Variants in LRRTM4 observed in about 807,000 individuals in gnomAD.
The protein encoded by LRRTM4 is leucine rich repeat transmembrane neuronal 4.
Under a neutral mutation model 47.6 loss-of-function variants are expected in LRRTM4, and 25 were observed. The observed-to-expected ratio is 0.53, with a 90% CI of 0.38 to 0.73. LRRTM4 has a LOEUF of 0.73. Among genes scored for constraint, LRRTM4 ranks in the 30% least tolerant of loss-of-function variants. The probability of loss-of-function intolerance (pLI) is 0.00; values close to 1 mark genes in which losing one functional copy is unlikely to be tolerated. For missense variants in LRRTM4, 638 were observed against 713.4 expected (o/e 0.89, Z 1.20); for synonymous variants, 311 against 269.5 (o/e 1.15, Z -1.51).
intron 3 of LRRTM4, chr2:76,987,579 G>C (rs1231588932): frequency 6.6e-6 from 1 of 151,770 alleles, no homozygotes; most frequent in Admixed American, 6.6e-5. Flanking sequence ...AAGTAATGAT[G>C]TGGTAACAAT....
chr2:77,072,373 T>C (rs1359733971), intron 3 of LRRTM4, among the ~76,000 whole-genome samples: 1 of 152,212 alleles, frequency 6.6e-6, no homozygotes, highest in Non-Finnish European at 1.5e-5. Flanking sequence ...TCATTGCAAT[T>C]GAAACATTAT....
At chr2:76,860,860 G>C (rs1021510738) in intron 3 of LRRTM4, among the ~76,000 whole-genome samples, 6 of 151,756 alleles carry the variant, frequency 4.0e-5, no homozygotes. Context: ...TCCACATCAA[G>C]TAAAAGATTT....
At chr2:77,379,295 G>A (rs1291840445) in intron 3 of LRRTM4, among the ~76,000 whole-genome samples, 9 of 151,842 alleles carry the variant, frequency 5.9e-5, no homozygotes, top group African/African-American at 1.2e-4. Flanking sequence ...TTTTTCCCCC[G>A]CTATCTTTTC....
chr2:77,241,203 AATACACACACAC>A (rs1441705767), intron 3 of LRRTM4, among the ~76,000 whole-genome samples: 3 of 119,074 alleles, frequency 2.5e-5, no homozygotes, highest in African/African-American at 9.9e-5. Flanking sequence ...TGGAATTGGA[AATACACACACAC>A]ACACACACAC....
At chr2:77,156,530 A>T (rs1017483403) in intron 3 of LRRTM4, among the ~76,000 whole-genome samples, 1 of 152,060 alleles carries the variant, frequency 6.6e-6, no homozygotes, top group African/African-American at 2.4e-5. Flanking sequence ...TAAAGAAATA[A>T]TAATAAATGA....
At chr2:77,389,665 T>A (rs1223272082) in intron 3 of LRRTM4, among the ~76,000 whole-genome samples, 1 of 152,098 alleles carries the variant, frequency 6.6e-6, no homozygotes, top group Non-Finnish European at 1.5e-5. Flanking sequence ...AATTATCTAC[T>A]ATCAAGAAGA....
intron 3 of LRRTM4, among the ~76,000 whole-genome samples, chr2:77,164,294 C>A (rs1407749700): frequency 2.6e-5 from 4 of 152,120 alleles, no homozygotes; most frequent in Non-Finnish European, 5.9e-5. Context: ...AATACAGGAG[C>A]ACCCAGATTC....
At chr2:77,431,986 A>G (rs965422408) in intron 3 of LRRTM4, among the ~76,000 whole-genome samples, 4 of 152,158 alleles carry the variant, frequency 2.6e-5, no homozygotes, top group African/African-American at 9.7e-5. Flanking sequence ...AAGCAGGAGA[A>G]TCACTTGAAC....
intron 3 of LRRTM4, among the ~76,000 whole-genome samples, chr2:76,932,175 G>A (rs1674791687): frequency 6.6e-6 from 1 of 152,080 alleles, no homozygotes; most frequent in Non-Finnish European, 1.5e-5. Context: ...ATATCCAGAT[G>A]TGATCACCTC....
intron 3 of LRRTM4, among the ~76,000 whole-genome samples, chr2:77,414,396 T>A (rs1674560387): frequency 1.3e-5 from 2 of 152,136 alleles, no homozygotes; most frequent in South Asian, 4.1e-4. Context: ...ATGTGAACAG[T>A]TTATTTACTT....
intron 3 of LRRTM4, among the ~76,000 whole-genome samples, chr2:77,310,299 A>T (rs1280221985): frequency 6.6e-6 from 1 of 152,094 alleles, no homozygotes; most frequent in Admixed American, 6.6e-5. Context: ...TATACACAGC[A>T]ACATACACAC....
intron 3 of LRRTM4, among the ~76,000 whole-genome samples, chr2:76,973,755 A>G (rs1227719036): frequency 3.9e-5 from 6 of 152,004 alleles, no homozygotes; most frequent in Non-Finnish European, 5.9e-5. Context: ...AAAATGAAAT[A>G]TAGAAGTCTG....
intron 3 of LRRTM4, among the ~76,000 whole-genome samples, chr2:76,781,726 C>G (rs528721621): frequency 6.6e-6 from 1 of 150,526 alleles, no homozygotes; most frequent in Non-Finnish European, 1.5e-5. Context: ...GCGTCGCTCA[C>G]GCTGGGAGCT....
At chr2:77,193,870 A>T (rs948744869) in intron 3 of LRRTM4, among the ~76,000 whole-genome samples, 4 of 152,188 alleles carry the variant, frequency 2.6e-5, no homozygotes, top group Admixed American at 2.6e-4. Context: ...TCACACAGAG[A>T]GGCAACAAAA....
At chr2:77,138,891 T>G (rs997838934) in intron 3 of LRRTM4, among the ~76,000 whole-genome samples, 6 of 152,204 alleles carry the variant, frequency 3.9e-5, no homozygotes, top group Non-Finnish European at 7.3e-5. Context: ...GATAAATTCC[T>G]GGACACATAT....
intron 3 of LRRTM4, among the ~76,000 whole-genome samples, chr2:77,501,531 A>T (rs1678570947): frequency 6.6e-6 from 1 of 151,016 alleles, no homozygotes; most frequent in Non-Finnish European, 1.5e-5. Context: ...AAAGCATGAG[A>T]CTATTAGAAA....
intron 3 of LRRTM4, among the ~76,000 whole-genome samples, chr2:76,805,324 C>T (rs1213164537): frequency 2.6e-5 from 4 of 152,128 alleles, no homozygotes; most frequent in Non-Finnish European, 5.9e-5. Flanking sequence ...TTGTCTGCCA[C>T]AGCCAGTGAA....
chr2:77,352,629 G>A (rs1444388196), intron 3 of LRRTM4, among the ~76,000 whole-genome samples: 1 of 152,070 alleles, frequency 6.6e-6, no homozygotes, highest in East Asian at 1.9e-4. Context: ...TGAGTTATTG[G>A]TCTAAATATG....
intron 3 of LRRTM4, among the ~76,000 whole-genome samples, chr2:77,319,208 A>C (rs1460977018): frequency 6.6e-6 from 1 of 152,074 alleles, no homozygotes; most frequent in Non-Finnish European, 1.5e-5. Context: ...CAAAATAGTG[A>C]AACCTTGTCT....
Sources: gnomAD v4.1 joint callset for allele counts (sites outside exome capture counted in the v4.1 genomes callset) on GRCh38, gnomAD v4.1.1 for gene constraint, MANE v1.5 for transcripts, NCBI Gene and HGNC (gene_info 2026-07-23, HGNC 2026-07-21) for gene names.